SAXO1: variants seen among roughly 807,000 people sequenced by gnomAD.
SAXO1 encodes stabilizer of axonemal microtubules 1, also known as 4930500O09Rik.
SAXO1 carries 21 observed loss-of-function variants against 17.5 expected under a neutral mutation model. That is an observed-to-expected ratio of 1.20 (90% CI 0.85 to 1.72). The LOEUF (loss-of-function observed/expected upper bound fraction) is 1.72. Ranked by LOEUF, SAXO1 falls within the 40% of genes most tolerant of loss-of-function variation. The pLI, the probability that SAXO1 is intolerant of heterozygous loss-of-function variation, is 0.00. For missense variants in SAXO1, 843 were observed against 596.0 expected (o/e 1.41, Z -4.32); for synonymous variants, 274 against 216.5 (o/e 1.27, Z -2.33).
At chr9:18,935,043 T>G (rs1831227489) in intron 3 of SAXO1, among the ~76,000 whole-genome samples, 1 of 152,154 alleles carries the variant, frequency 6.6e-6, no homozygotes, top group African/African-American at 2.4e-5. Flanking sequence ...TTCTCCTGCC[T>G]CAGCCTCCTG....
intron 3 of SAXO1, among the ~76,000 whole-genome samples, chr9:18,936,978 C>A (rs1831323143): frequency 6.6e-6 from 1 of 152,174 alleles, no homozygotes; most frequent in Non-Finnish European, 1.5e-5. Flanking sequence ...AGCATATAGA[C>A]AAAATCTAGA....
chr9:19,045,092 T>C (rs1422735013), intron 1 of SAXO1, among the ~76,000 whole-genome samples: 4 of 149,334 alleles, frequency 2.7e-5, no homozygotes, highest in Non-Finnish European at 5.9e-5. Context: ...GGGTGGATCA[T>C]GAGGTCAGGA....
intron 1 of SAXO1, among the ~76,000 whole-genome samples, chr9:19,020,512 C>T (rs551070444): frequency 6.6e-6 from 1 of 152,162 alleles, no homozygotes; most frequent in South Asian, 2.1e-4. Context: ...CCACCATAAC[C>T]AGCTAATTTT....
intron 3 of SAXO1, among the ~76,000 whole-genome samples, chr9:18,935,741 C>T (rs10963845): frequency 0.11 from 17,430 of 152,184 alleles, 1,176 homozygotes; most frequent in East Asian, 0.34. Flanking sequence ...ACTAGCACTG[C>T]AGCCTCAGAC....
chr9:18,981,419 T>C (rs967322319), intron 1 of SAXO1, among the ~76,000 whole-genome samples: 3 of 152,134 alleles, frequency 2.0e-5, no homozygotes, highest in African/African-American at 7.2e-5. Context: ...ACACTAGAAC[T>C]CAGGCTTCCT....
At chr9:18,982,423 G>A (rs1031617287) in intron 1 of SAXO1, among the ~76,000 whole-genome samples, 2 of 152,184 alleles carry the variant, frequency 1.3e-5, no homozygotes, top group South Asian at 4.1e-4. Flanking sequence ...TGACACGTCA[G>A]GGCAGGCAAC....
At chr9:19,046,964 A>G (rs1836231583) in intron 1 of SAXO1, among the ~76,000 whole-genome samples, 1 of 152,254 alleles carries the variant, frequency 6.6e-6, no homozygotes, top group African/African-American at 2.4e-5. Context: ...AGGCGGGCAG[A>G]TCACTTAAGA....
chr9:18,982,382 G>A (rs1389615315), intron 1 of SAXO1, among the ~76,000 whole-genome samples: 1 of 152,166 alleles, frequency 6.6e-6, no homozygotes, highest in Non-Finnish European at 1.5e-5. Context: ...GTGTCCGAGG[G>A]AGACCAAATC....
intron 1 of SAXO1, among the ~76,000 whole-genome samples, chr9:18,973,965 G>A (rs1282407786): frequency 6.6e-6 from 1 of 152,132 alleles, no homozygotes; most frequent in Non-Finnish European, 1.5e-5. Flanking sequence ...ATACTTCCTT[G>A]CCTTAAAGGA....
intron 1 of SAXO1, among the ~76,000 whole-genome samples, chr9:18,990,073 T>C (rs1011786567): frequency 1.3e-5 from 2 of 152,150 alleles, no homozygotes; most frequent in Non-Finnish European, 2.9e-5. Flanking sequence ...ATTAAGCAAC[T>C]GGCCCAATGC....
chr9:18,966,953 T>A (rs1252153601), intron 1 of SAXO1, among the ~76,000 whole-genome samples: 1 of 152,228 alleles, frequency 6.6e-6, no homozygotes, highest in East Asian at 1.9e-4. Context: ...TTGTTGATAT[T>A]GATGCTATTG....
intron 1 of SAXO1, among the ~76,000 whole-genome samples, chr9:18,957,837 TA>T (rs1490184372): frequency 2.0e-5 from 3 of 152,368 alleles, no homozygotes; most frequent in African/African-American, 7.2e-5. Context: ...ACACTTTTCC[TA>T]AAGTGCATTT....
intron 1 of SAXO1, among the ~76,000 whole-genome samples, chr9:18,990,214 C>A (rs982519229): frequency 6.6e-5 from 10 of 151,760 alleles, no homozygotes; most frequent in African/African-American, 2.4e-4. Context: ...CCACACCCTA[C>A]TTCCTATAGC....
intron 1 of SAXO1, among the ~76,000 whole-genome samples, chr9:19,045,316 CAAAAAAAAAAAAAAAAAA>C (rs575855900): frequency 5.6e-5 from 5 of 89,308 alleles, no homozygotes; most frequent in Admixed American, 1.5e-4. Flanking sequence ...GACTCCGTCT[CAAAAAAAAAAAAAAAAAA>C]AAAAAAAAAA....
intron 1 of SAXO1, among the ~76,000 whole-genome samples, chr9:19,031,173 A>C (rs1227714994): frequency 1.3e-5 from 2 of 152,252 alleles, no homozygotes; most frequent in Non-Finnish European, 2.9e-5. Flanking sequence ...CTTCCTACCT[A>C]GACTGCACGC....
intron 1 of SAXO1, among the ~76,000 whole-genome samples, chr9:19,044,827 C>A (rs1215173350): frequency 1.3e-5 from 2 of 151,848 alleles, no homozygotes; most frequent in Admixed American, 1.3e-4. Flanking sequence ...GGCGCCACTG[C>A]ACTCCAGCCC....
chr9:19,032,789 A>T, intron 1 of SAXO1, 82 bp downstream of exon 1: 1 of 1,494,554 alleles, frequency 6.7e-7, no homozygotes, highest in Non-Finnish European at 9.1e-7. Context: ...CCGCCTGATG[A>T]AGCAGCTGGG....
intron 1 of SAXO1, among the ~76,000 whole-genome samples, chr9:18,956,963 C>T (rs543468796): frequency 3.3e-5 from 5 of 152,338 alleles, no homozygotes; most frequent in East Asian, 1.9e-4. Flanking sequence ...CACAACTGGA[C>T]GCCCAGGTCT....
Position 18,927,709 on chromosome 9 carries a change from T to C in SAXO1, c.*343A>G, listed in dbSNP as rs937906475. The C allele has an allele frequency of 4.9e-6, 1 of 204,460 alleles. No individual in the cohort carries two copies. Among genetic ancestry groups the C allele is most frequent in the Non-Finnish European group, 9.8e-6 (1 of 102,270 alleles). The allele number at this position is 204,460 out of a possible 1,614,324, so 12.7% of individuals were successfully genotyped here. A position where few individuals can be genotyped will look rare whatever the true frequency, so the allele number is the denominator to read the frequency against. Reference sequence around the variant, plus strand: ...TTTGGCGCTTCATACTTGGCAAGGGTTAATCATTATGTCAGTTCATACAAT... The same window carrying C: ...TTTGGCGCTTCATACTTGGCAAGGGCTAATCATTATGTCAGTTCATACAAT... On this transcript the variant is annotated 3_prime_UTR_variant, in exon 4 of 4. Coordinates refer to ENST00000380534, the MANE Select transcript of SAXO1 (RefSeq NM_153707.4).
Sources: gnomAD v4.1 joint callset for allele counts (sites outside exome capture counted in the v4.1 genomes callset) on GRCh38, gnomAD v4.1.1 for gene constraint, MANE v1.5 for transcripts, NCBI Gene and HGNC (gene_info 2026-07-23, HGNC 2026-07-21) for gene names.